The following UNKL variants were observed in gnomAD, a reference collection of about 807,000 sequenced individuals.
UNKL encodes unk like zinc finger.
Under a neutral mutation model 78.0 loss-of-function variants are expected in UNKL, and 60 were observed. That is an observed-to-expected ratio of 0.77 (90% CI 0.63 to 0.95). The LOEUF (loss-of-function observed/expected upper bound fraction) is 0.95. Among genes scored for constraint, UNKL ranks in the 40% least tolerant of loss-of-function variants. UNKL has a pLI of 0.00. For synonymous variants in UNKL, 608 were observed against 474.8 expected, an observed-to-expected ratio of 1.28 and a Z score of -3.65; for missense variants, 1,159 against 1,045.7, an observed-to-expected ratio of 1.11 and a Z score of -1.49.
chr16:1,378,219 A>T (rs556409518), intron 10 of UNKL, among the ~76,000 whole-genome samples: 181 of 152,284 alleles, frequency 1.2e-3, no homozygotes, highest in Admixed American at 1.8e-3. Flanking sequence ...CTCACTGAGG[A>T]CAGGCACCGA....
At chr16:1,366,493 G>A (rs1250189172) in intron 14 of UNKL, 98 bp from the exon 15 acceptor site, 6 of 1,391,814 alleles carry the variant, frequency 4.3e-6, no homozygotes, top group East Asian at 5.2e-5. Flanking sequence ...AGCATCTCAG[G>A]CCGCCCGGCC....
At chr16:1,384,254 G>A (rs1236352387) in intron 10 of UNKL, among the ~76,000 whole-genome samples, 2 of 143,584 alleles carry the variant, frequency 1.4e-5, no homozygotes, top group Non-Finnish European at 3.0e-5. Flanking sequence ...CAACACGGCA[G>A]GTGTCCCCAC....
intron 10 of UNKL, among the ~76,000 whole-genome samples, chr16:1,380,982 T>TAA (rs1476927538): frequency 1.3e-5 from 2 of 152,142 alleles, no homozygotes; most frequent in Non-Finnish European, 2.9e-5. Context: ...GCTCAGGAAA[T>TAA]ATTTAAGTAA....
chr16:1,399,514 A>G lies in UNKL; in HGVS notation c.599-5T>C, dbSNP rs751987458. Reference sequence around the variant, plus strand: ...TGCCCAGCACGAAGTTGGCATCTGAAAAATGGGCCACACGGTGCCTGAGCA... The same window carrying G: ...TGCCCAGCACGAAGTTGGCATCTGAGAAATGGGCCACACGGTGCCTGAGCA... On this transcript the variant is annotated splice_polypyrimidine_tract_variant and splice_region_variant and intron_variant, in intron 4 of 14. Coordinates refer to ENST00000389221, the MANE Select transcript of UNKL (RefSeq NM_001372107.1). The surrounding 1 kb of genome is among the most constrained non-coding windows in gnomAD (Gnocchi z 5.8). 1 of 1,593,054 alleles carries G rather than the reference A, an allele frequency of 6.3e-7. No homozygotes were observed. The highest frequency in any genetic ancestry group is 8.5e-7 in the Non-Finnish European group (1 of 1,170,942).
chr16:1,398,751 C>G, intron 5 of UNKL: 1 of 1,527,516 alleles, frequency 6.5e-7, no homozygotes, highest in East Asian at 2.5e-5. Context: ...ACCAGAAGGC[C>G]GGGCTGGAGC....
chr16:1,401,730 C>G, intron 3 of UNKL, 29 bp from the exon 4 acceptor site: 1 of 1,590,186 alleles, frequency 6.3e-7, no homozygotes, highest in Admixed American at 1.7e-5. Flanking sequence ...GTGGTCACAG[C>G]TCTGCATCTG....
At chr16:1,386,806 T>C (rs1439567268) in intron 9 of UNKL, among the ~76,000 whole-genome samples, 1 of 152,120 alleles carries the variant, frequency 6.6e-6, no homozygotes, top group African/African-American at 2.4e-5. Flanking sequence ...TCCTTCTGGA[T>C]ACCAGATTTG....
In UNKL at chr16:1,401,596, C is replaced by A; in HGVS notation, c.570G>T (p.Lys190Asn). The A allele has an allele frequency of 2.5e-6, 4 of 1,602,984 alleles. No individual in the cohort carries two copies. Among genetic ancestry groups the A allele is most frequent in the Non-Finnish European group, 3.4e-6 (4 of 1,174,498 alleles). ...GVLASQAMIE[K>N]ILSEDPRWQD... is the part of the protein sequence containing the mutation. The stretch of plus-strand genomic sequence containing the variant: ...GCCACCGGGGGTCCTCGCTCAGGAT[C>A]TTCTCAATCATGGCCTGGCTGGCCA... The change falls in exon 4 of 15, where the codon AAG (lysine) becomes AAT (asparagine). Residue 190 changes from lysine (K) to asparagine (N), a missense_variant. Lys to Asn is a moderately conservative substitution (Grantham distance 94). Transcript: ENST00000389221.
At chr16:1,377,870 G>C (rs545049952) in intron 10 of UNKL, among the ~76,000 whole-genome samples, 9 of 152,188 alleles carry the variant, frequency 5.9e-5, no homozygotes, top group African/African-American at 1.9e-4. Flanking sequence ...TGGGCTGCTC[G>C]CTCAACCCAC....
At chr16:1,388,252 C>T (rs1259648705) in intron 9 of UNKL, among the ~76,000 whole-genome samples, 2 of 152,206 alleles carry the variant, frequency 1.3e-5, no homozygotes, top group East Asian at 3.8e-4. Context: ...CACCACAGTG[C>T]AGGTGCCACG....
intron 10 of UNKL, among the ~76,000 whole-genome samples, chr16:1,376,642 T>C (rs138583451): frequency 1.6e-4 from 25 of 152,230 alleles, no homozygotes; most frequent in African/African-American, 5.5e-4. Flanking sequence ...GGCCTCATTT[T>C]AACCTGGTTA....
chr16:1,383,770 C>T (rs1245893542), intron 10 of UNKL: 2 of 432,832 alleles, frequency 4.6e-6, no homozygotes, highest in South Asian at 1.6e-5. Flanking sequence ...CCTGATGGTG[C>T]TGGGGTCCCA....
At chr16:1,398,353 A>G (rs987603622) in intron 5 of UNKL, 15 of 1,024,706 alleles carry the variant, frequency 1.5e-5, no homozygotes, top group Non-Finnish European at 1.6e-5. Context: ...TATGGGACAC[A>G]TTAAGTGCCT....
intron 5 of UNKL, chr16:1,398,873 CT>C: frequency 6.3e-7 from 1 of 1,575,360 alleles, no homozygotes; most frequent in South Asian, 1.2e-5. Flanking sequence ...TGTGTGCACC[CT>C]GGGCAGGGCG....
intron 10 of UNKL, among the ~76,000 whole-genome samples, chr16:1,375,135 C>A (rs995552386): frequency 1.3e-5 from 2 of 152,228 alleles, no homozygotes; most frequent in South Asian, 4.1e-4. Flanking sequence ...CCCGAGCCCC[C>A]CAGGGCAGCC....
intron 2 of UNKL, 44 bp downstream of exon 2, chr16:1,413,802 C>T (rs1459739899): frequency 6.7e-7 from 1 of 1,486,806 alleles, no homozygotes; most frequent in South Asian, 1.3e-5. Flanking sequence ...GGTGGAGGCC[C>T]CCCACCTCCG....
intron 2 of UNKL, among the ~76,000 whole-genome samples, chr16:1,410,066 G>A (rs1408447087): frequency 1.3e-5 from 2 of 151,990 alleles, no homozygotes; most frequent in African/African-American, 4.8e-5. Flanking sequence ...TAGATAAAGC[G>A]AGAGCGAGAC....
At chr16:1,366,493 G>C in intron 14 of UNKL, 98 bp from the exon 15 acceptor site, 1 of 1,391,932 alleles carries the variant, frequency 7.2e-7, no homozygotes, top group Non-Finnish European at 9.5e-7. Context: ...AGCATCTCAG[G>C]CCGCCCGGCC....
Position 1,370,243 on chromosome 16 carries a change from T to C in UNKL, c.1472A>G (p.Gln491Arg). The C allele has an allele frequency of 6.5e-7, 1 of 1,534,986 alleles. No individual in the cohort carries two copies. The highest frequency in any genetic ancestry group is 8.8e-7 in the Non-Finnish European group (1 of 1,142,678). The change falls in exon 12 of 15, where the codon CAG (glutamine) becomes CGG (arginine). Residue 491 changes from glutamine to arginine, a missense_variant. Gln to Arg is a conservative substitution (Grantham distance 43, BLOSUM62 1). Transcript: ENST00000389221. ...GGAGCCCACCGGCCCTGGGAGGGGC[T>C]GGGACAGCGAACCGAGCGGCGAGGT... is the stretch of plus-strand genomic sequence containing the variant. ...ASTSPLGSLS[Q>R]PLPGPVGSSA...
Sources: allele counts gnomAD v4.1 joint callset (sites outside exome capture counted in the v4.1 genomes callset), GRCh38; gene constraint gnomAD v4.1.1; non-coding constraint Gnocchi (gnomAD v3.1); transcripts MANE v1.5; gene names NCBI Gene and HGNC (gene_info 2026-07-23, HGNC 2026-07-21).